ADGRL1: variants seen among roughly 807,000 people sequenced by gnomAD.
ADGRL1 encodes the protein adhesion G protein-coupled receptor L1.
ADGRL1 carries 31 observed loss-of-function variants against 148.9 expected under a neutral mutation model. The ratio of observed to expected loss-of-function variants is 0.21; its 90% CI spans 0.16 to 0.28. The LOEUF is 0.28. Ranked by LOEUF, ADGRL1 falls within the 10% of genes least tolerant of loss-of-function variation. The probability of loss-of-function intolerance (pLI) is 1.00; values close to 1 mark genes in which losing one functional copy is unlikely to be tolerated. For missense variants in ADGRL1, 1,521 were observed against 2,058.8 expected (o/e 0.74, Z 5.05); for synonymous variants, 937 against 900.3 (o/e 1.04, Z -0.73).
At chr19:14,203,125 C>A (rs966563000) in intron 1 of ADGRL1, among the ~76,000 whole-genome samples, 2 of 152,088 alleles carry the variant, frequency 1.3e-5, no homozygotes, top group African/African-American at 2.4e-5. Context: ...TGTCTTGCCA[C>A]GGCACCTTCA....
At position 14,151,317 on chromosome 19, in the gene ADGRL1, ACCCCCGGGCCCGCCCGCCTCTTCCTCG is replaced by A. The variant is rs748714362; in HGVS notation, c.3939_3965del (p.Glu1314_Gly1322del). On this transcript the variant is annotated inframe_deletion, in exon 23 of 23. Coordinates refer to ENST00000361434, the MANE Select transcript of ADGRL1 (RefSeq NM_014921.5). ...GAAGTTCAATCTCGGCCCGGTCAGC[ACCCCCGGGCCCGCCCGCCTCTTCCTCG>A]CCCCCGCCCCCTGGCACAGGTGGCA... 1.3e-6 allele frequency: 2 copies of A among 1,543,772 alleles called. No individual in the cohort carries two copies. The highest frequency in any genetic ancestry group is 2.4e-5 in the East Asian group (1 of 41,514).
At chr19:14,190,883 T>G (rs1971888177) in intron 1 of ADGRL1, among the ~76,000 whole-genome samples, 1 of 151,322 alleles carries the variant, frequency 6.6e-6, no homozygotes, top group African/African-American at 2.4e-5. Context: ...AGGTCAGGAG[T>G]TCAAGACCAG....
chr19:14,204,706 G>A (rs1972847796), intron 1 of ADGRL1, among the ~76,000 whole-genome samples: 1 of 69,702 alleles, frequency 1.4e-5, no homozygotes, highest in African/African-American at 8.3e-5. Flanking sequence ...GAGAAAGACA[G>A]AGAGAGTGAG....
Position 14,193,266 on chromosome 19 carries a change from A to G in ADGRL1, c.-95-9569T>C, listed in dbSNP as rs200446918. Among the ~76,000 whole-genome samples, 62 of 62,812 alleles carry G rather than the reference A, an allele frequency of 9.9e-4. 1 individual carries two copies. The East Asian group carries it at 0.022, about 23-fold the overall frequency. The allele number at this position is 62,812 out of a possible 152,430, so 41.2% of individuals were successfully genotyped here. On this transcript the variant is annotated intron_variant, in intron 1 of 22. Coordinates refer to ENST00000361434, the MANE Select transcript of ADGRL1 (RefSeq NM_014921.5). The stretch of plus-strand genomic sequence containing the variant: ...GATTGAAATATGGCCCCCCGCCCCC[A>G]CCGCCAAAAAAAAAAAAAAAAAAAA...
chr19:14,198,269 G>T (rs528681072), intron 1 of ADGRL1, among the ~76,000 whole-genome samples: 1 of 152,120 alleles, frequency 6.6e-6, no homozygotes, highest in Non-Finnish European at 1.5e-5. Context: ...TGAACAGAGG[G>T]ATGGGATCTG....
chr19:14,196,339 C>A (rs1972262859), intron 1 of ADGRL1, among the ~76,000 whole-genome samples: 1 of 152,210 alleles, frequency 6.6e-6, no homozygotes, highest in Non-Finnish European at 1.5e-5. Flanking sequence ...CTGCACTGGG[C>A]CGGATGTGGC....
chr19:14,161,381 G>T lies in ADGRL1; in HGVS notation c.1441C>A (p.Arg481=). The T allele has an allele frequency of 6.3e-7, 1 of 1,594,268 alleles. No homozygotes were observed. Among genetic ancestry groups the T allele is most frequent in the African/African-American group, 1.4e-5 (1 of 73,982 alleles). ...TGGGTGGCCGGCCACTGGACCCGCC[G>T]TACCTCTCGGGGCTCGCAGAAGAGC... is the stretch of plus-strand genomic sequence containing the variant. ...PELFCEPREV[R]RVQWPATQQG... Residue 481 remains arginine (R), a synonymous_variant, in exon 6 of 23, where the codon CGG becomes AGG. Transcript: ENST00000361434. This position sits in a 1 kb window ranked among gnomAD's most constrained non-coding sequence, Gnocchi z 4.4.
intron 1 of ADGRL1, among the ~76,000 whole-genome samples, chr19:14,205,065 C>A (rs1266156077): frequency 3.3e-5 from 5 of 151,874 alleles, no homozygotes; most frequent in African/African-American, 1.2e-4. Flanking sequence ...GTGTAGCCAG[C>A]GGCTGTCTTC....
At position 14,152,826 on chromosome 19, in the gene ADGRL1, G is replaced by A. The variant is rs762916136; in HGVS notation, c.3381C>T (p.Thr1127=). 42 of 1,614,118 alleles carry A rather than the reference G, an allele frequency of 2.6e-5. No individual in the cohort carries two copies. The highest frequency in any genetic ancestry group is 3.3e-5 in the Non-Finnish European group (39 of 1,180,014). ...PPGGTHGSLK[T]SAMRSNTRYY... ...AGCGGGTGTTGCTTCGCATGGCTGA[G>A]GTCTTGAGGGATCCGTGAGTGCCCC... Residue 1127 remains threonine (T), a synonymous_variant, in exon 19 of 23, where the codon ACC becomes ACT. Transcript: ENST00000361434. The surrounding 1 kb of genome is among the most constrained non-coding windows in gnomAD (Gnocchi z 6.1).
intron 1 of ADGRL1, among the ~76,000 whole-genome samples, chr19:14,204,555 G>A (rs1378273058): frequency 6.6e-6 from 1 of 152,088 alleles, no homozygotes; most frequent in Non-Finnish European, 1.5e-5. Flanking sequence ...TCCCCAAACA[G>A]CATGGAGGTC....
At chr19:14,167,155 T>G (rs934551112) in intron 4 of ADGRL1, 1 of 840,924 alleles carries the variant, frequency 1.2e-6, no homozygotes, top group African/African-American at 1.7e-5. Context: ...CCCTTTTCCT[T>G]TCCTTCCTCG....
chr19:14,188,661 C>G (rs1171719572), intron 1 of ADGRL1, among the ~76,000 whole-genome samples: 1 of 152,234 alleles, frequency 6.6e-6, no homozygotes, highest in East Asian at 1.9e-4. Context: ...TTGGTCCACA[C>G]ATCTGTCTTC....
At position 14,148,548 on chromosome 19, in the gene ADGRL1, C is replaced by T. The variant is rs1041513548; in HGVS notation, c.*2325G>A. 6.6e-6 allele frequency: 1 copy of T among 152,594 alleles called. No individual in the cohort carries two copies. Among genetic ancestry groups the T allele is most frequent in the Admixed American group, 6.5e-5 (1 of 15,280 alleles). The allele number at this position is 152,594 out of a possible 1,614,324, so 9.5% of individuals were successfully genotyped here. ...TGCCCGCTCTTCACAGACCTCTGAC[C>T]ACCCCTCCACACAACAGAGCTCCCA... On this transcript the variant is annotated 3_prime_UTR_variant, in exon 23 of 23. Transcript: ENST00000361434.
rs1032432019 is a variant in ADGRL1 at position 14,170,459 on chromosome 19, T to A, written c.394+223A>T. ...GGGGTAAGGAGAGCTGGAGAAGGTG[T>A]CCCCACAGGAGGGGACAGAGTCTGT... On this transcript the variant is annotated intron_variant, in intron 4 of 22. Coordinates refer to ENST00000361434, the MANE Select transcript of ADGRL1 (RefSeq NM_014921.5). 19 of 471,718 alleles carry A rather than the reference T, an allele frequency of 4.0e-5. No individual in the cohort carries two copies. In the East Asian group the frequency reaches 6.4e-4, roughly 16 times the overall value. 29.2% of individuals were successfully genotyped at this position (471,718 alleles called of 1,614,324 possible). A position where few individuals can be genotyped will look rare whatever the true frequency, so the allele number is the denominator to read the frequency against.
chr19:14,157,512 G>A lies in ADGRL1; in HGVS notation c.2536-52C>T. On this transcript the variant is annotated intron_variant, in intron 13 of 22. Transcript: ENST00000361434. This position sits in a 1 kb window ranked among gnomAD's most constrained non-coding sequence, Gnocchi z 7.5. Reference sequence around the variant, plus strand: ...CAGGGCCTTTGGTTTTGCACGCTGGGCTCAGCCAGGTGCCAGCCACAGACA... The same window carrying A: ...CAGGGCCTTTGGTTTTGCACGCTGGACTCAGCCAGGTGCCAGCCACAGACA... 3 of 1,564,962 alleles carry A rather than the reference G, an allele frequency of 1.9e-6. No homozygotes were observed. Among genetic ancestry groups the A allele is most frequent in the Non-Finnish European group, 2.6e-6 (3 of 1,138,564 alleles).
At chr19:14,187,651 T>C (rs1432574658) in intron 1 of ADGRL1, among the ~76,000 whole-genome samples, 2 of 148,018 alleles carry the variant, frequency 1.4e-5, no homozygotes, top group African/African-American at 4.9e-5. Flanking sequence ...CAGATGATTT[T>C]ACAGCGTGTT....
At chr19:14,180,685 G>A (rs1008367643) in intron 2 of ADGRL1, among the ~76,000 whole-genome samples, 13 of 151,988 alleles carry the variant, frequency 8.6e-5, no homozygotes, top group African/African-American at 3.1e-4. Context: ...GAGTAGCTGG[G>A]ACTACAGGCA....
intron 3 of ADGRL1, among the ~76,000 whole-genome samples, chr19:14,171,608 C>T (rs543095069): frequency 6.6e-5 from 10 of 152,360 alleles, no homozygotes; most frequent in South Asian, 2.1e-4. Flanking sequence ...TGCAAACTTA[C>T]GATCAATGAA....
At chr19:14,182,696 G>A (rs2145015985) in intron 2 of ADGRL1, among the ~76,000 whole-genome samples, 1 of 152,344 alleles carries the variant, frequency 6.6e-6, no homozygotes, top group South Asian at 2.1e-4. Context: ...GTCTGGGGGT[G>A]GAGGCAGCCC....
Sources: allele counts gnomAD v4.1 joint callset (sites outside exome capture counted in the v4.1 genomes callset), GRCh38; gene constraint gnomAD v4.1.1; non-coding constraint Gnocchi (gnomAD v3.1); transcripts MANE v1.5; gene names NCBI Gene and HGNC (gene_info 2026-07-23, HGNC 2026-07-21).